Variants in POLA1 observed in about 807,000 individuals in gnomAD.
The protein encoded by POLA1 is DNA polymerase alpha catalytic subunit.
Under a neutral mutation model 124.0 loss-of-function variants are expected in POLA1, and 15 were observed. The ratio of observed to expected loss-of-function variants is 0.12; its 90% CI spans 0.08 to 0.19. POLA1 has a LOEUF of 0.19. Among genes scored for constraint, POLA1 ranks in the 10% least tolerant of loss-of-function variants. POLA1 has a pLI of 1.00. For synonymous variants in POLA1, 408 were observed against 389.4 expected, an observed-to-expected ratio of 1.05 and a Z score of -0.56; for missense variants, 886 against 1,103.4, an observed-to-expected ratio of 0.80 and a Z score of 2.79.
chrX:24,929,879 G>A lies in POLA1; in HGVS notation c.4165-574G>A, dbSNP rs370358293. On this transcript the variant is annotated intron_variant, in intron 35 of 36. Transcript: ENST00000379068. ...TGTTTTGACATGGGTGGGATGAAAA[G>A]CCTTGGTTATTTCATTTCACATGGT... 2.5e-3 allele frequency among the ~76,000 whole-genome samples: 280 copies of A among 111,701 alleles called. 1 individual carries two copies. The highest frequency in any genetic ancestry group is 8.8e-3 in the African/African-American group (270 of 30,739).
chrX:24,839,923 G>A (rs147439097), intron 32 of POLA1, among the ~76,000 whole-genome samples: 13 of 111,857 alleles, frequency 1.2e-4, no homozygotes, highest in African/African-American at 4.2e-4. Flanking sequence ...CTCATTCAGC[G>A]GTGTGGTCTC....
chrX:24,840,109 T>G (rs2046391399), intron 32 of POLA1, among the ~76,000 whole-genome samples: 1 of 112,451 alleles, frequency 8.9e-6, no homozygotes, highest in African/African-American at 3.2e-5. Flanking sequence ...AAGAACAGCT[T>G]TTCAAATTGT....
intron 34 of POLA1, among the ~76,000 whole-genome samples, chrX:24,882,066 AC>A (rs1031193142): frequency 2.7e-5 from 3 of 110,487 alleles, no homozygotes; most frequent in Non-Finnish European, 5.7e-5. Context: ...AGTCAGGGAA[AC>A]CAGGGAGGAG....
intron 34 of POLA1, among the ~76,000 whole-genome samples, chrX:24,876,108 TATTA>T (rs1239836095): frequency 1.8e-5 from 2 of 112,322 alleles, no homozygotes; most frequent in Admixed American, 9.5e-5. Context: ...TTGATTTTTA[TATTA>T]ATTTCTGAAT....
intron 4 of POLA1, among the ~76,000 whole-genome samples, chrX:24,706,967 T>C (rs1052263224): frequency 3.5e-5 from 4 of 112,754 alleles, no homozygotes; most frequent in African/African-American, 1.3e-4. Flanking sequence ...CATATGTATT[T>C]TTTTCTGTGT....
intron 26 of POLA1, among the ~76,000 whole-genome samples, chrX:24,804,361 TATC>T (rs772646732): frequency 8.9e-6 from 1 of 111,751 alleles, no homozygotes; most frequent in Non-Finnish European, 1.9e-5. Context: ...GATTATCAAA[TATC>T]ATAATATTTA....
At chrX:24,783,892 A>G (rs1055710863) in intron 26 of POLA1, among the ~76,000 whole-genome samples, 1 of 111,070 alleles carries the variant, frequency 9.0e-6, no homozygotes, top group Admixed American at 9.6e-5. Flanking sequence ...CTCAATAGCC[A>G]TTATGTGGCT....
chrX:24,795,843 C>G (rs1025276431), intron 26 of POLA1, among the ~76,000 whole-genome samples: 1 of 110,011 alleles, frequency 9.1e-6, no homozygotes. Context: ...CCATCCACCC[C>G]ACAGCTGTCT....
At chrX:24,891,501 G>C (rs2047142949) in intron 35 of POLA1, among the ~76,000 whole-genome samples, 1 of 111,256 alleles carries the variant, frequency 9.0e-6, no homozygotes, top group South Asian at 3.8e-4. Flanking sequence ...CTAGTAGGAG[G>C]GAAAAATGCA....
chrX:24,874,079 G>A (rs995976517), intron 34 of POLA1, among the ~76,000 whole-genome samples: 10 of 111,732 alleles, frequency 8.9e-5, no homozygotes, highest in Non-Finnish European at 1.9e-4. Context: ...GTGACAGTGT[G>A]CAAAAAACGT....
chrX:24,875,612 C>T (rs1271101190), intron 34 of POLA1, among the ~76,000 whole-genome samples: 1 of 111,773 alleles, frequency 8.9e-6, no homozygotes, highest in Non-Finnish European at 1.9e-5. Flanking sequence ...TGTGATTTCT[C>T]TATGCTGAAT....
At chrX:24,781,948 CTG>C (rs2045273254) in intron 26 of POLA1, among the ~76,000 whole-genome samples, 2 of 111,743 alleles carry the variant, frequency 1.8e-5, no homozygotes, top group Admixed American at 9.5e-5. Context: ...TCTTAGGTCT[CTG>C]GATCTCAGCC....
chrX:24,982,298 C>A (rs2048431229), intron 36 of POLA1, among the ~76,000 whole-genome samples: 1 of 110,923 alleles, frequency 9.0e-6, no homozygotes. Context: ...CAAGTTAAAT[C>A]CAGAGTAGCA....
intron 4 of POLA1, among the ~76,000 whole-genome samples, chrX:24,707,751 T>G (rs1928906892): frequency 8.9e-6 from 1 of 112,353 alleles, no homozygotes; most frequent in African/African-American, 3.2e-5. Context: ...CCCAGCACTT[T>G]GGGAGGCCGA....
chrX:24,891,907 G>T (rs1167083530), intron 35 of POLA1, among the ~76,000 whole-genome samples: 4 of 111,299 alleles, frequency 3.6e-5, no homozygotes, highest in Non-Finnish European at 7.5e-5. Flanking sequence ...TAAATATGTT[G>T]TTCAAGTTTG....
chrX:24,757,560 C>T (rs2083654800), intron 26 of POLA1, among the ~76,000 whole-genome samples: 1 of 107,530 alleles, frequency 9.3e-6, no homozygotes, highest in Non-Finnish European at 1.9e-5. Flanking sequence ...CTGCCTCAGC[C>T]TCCCGAGTAG....
chrX:24,751,073 G>A (rs972400615), intron 26 of POLA1, among the ~76,000 whole-genome samples: 3 of 112,060 alleles, frequency 2.7e-5, no homozygotes, highest in African/African-American at 9.7e-5. Context: ...CCCCAACTGG[G>A]TGATAATACA....
At chrX:24,858,282 TGAG>T (rs1273142714) in intron 34 of POLA1, among the ~76,000 whole-genome samples, 4 of 111,863 alleles carry the variant, frequency 3.6e-5, no homozygotes, top group African/African-American at 1.3e-4. Context: ...TAAACCTAGG[TGAG>T]GAGTAGTGTG....
At chrX:24,920,501 T>G (rs1282724194) in intron 35 of POLA1, among the ~76,000 whole-genome samples, 2 of 111,688 alleles carry the variant, frequency 1.8e-5, no homozygotes, top group Non-Finnish European at 3.8e-5. Flanking sequence ...TATGTCAGAT[T>G]GAAAACTGGC....
Sources: allele counts gnomAD v4.1 joint callset (sites outside exome capture counted in the v4.1 genomes callset), GRCh38; gene constraint gnomAD v4.1.1; transcripts MANE v1.5; gene names NCBI Gene and HGNC (gene_info 2026-07-23, HGNC 2026-07-21).